Variants in NCOA3 observed in about 807,000 individuals in gnomAD.
NCOA3 encodes the protein nuclear receptor coactivator 3, also known as CBP-interacting protein.
NCOA3 carries 51 observed loss-of-function variants against 158.8 expected under a neutral mutation model. The ratio of observed to expected loss-of-function variants is 0.32; its 90% CI spans 0.26 to 0.41. The LOEUF (loss-of-function observed/expected upper bound fraction) is 0.41. Among genes scored for constraint, NCOA3 ranks in the 10% least tolerant of loss-of-function variants. NCOA3 has a pLI of 1.00. For missense variants in NCOA3, 1,510 were observed against 1,746.6 expected, an observed-to-expected ratio of 0.86 and a Z score of 2.41; for synonymous variants, 537 against 592.4, an observed-to-expected ratio of 0.91 and a Z score of 1.36.
intron 17 of NCOA3, 86 bp from the exon 18 acceptor site, chr20:47,646,987 G>A (rs2086695299): frequency 8.3e-7 from 1 of 1,208,806 alleles, no homozygotes; most frequent in Non-Finnish European, 1.2e-6. Context: ...TGAATGACTG[G>A]ATGTTTTTTG....
intron 8 of NCOA3, among the ~76,000 whole-genome samples, chr20:47,628,984 T>TA (rs1202967427): frequency 6.6e-6 from 1 of 152,174 alleles, no homozygotes. Flanking sequence ...TCATGGCTAA[T>TA]AAGAAAATTT....
chr20:47,637,203 G>C (rs6018609), intron 12 of NCOA3, among the ~76,000 whole-genome samples: 1 of 152,206 alleles, frequency 6.6e-6, no homozygotes, highest in Non-Finnish European at 1.5e-5. Context: ...CTTAAAGTTA[G>C]GATGTGGGCT....
intron 1 of NCOA3, among the ~76,000 whole-genome samples, chr20:47,549,561 A>C (rs77228812): frequency 8.8e-6 from 1 of 114,088 alleles, no homozygotes; most frequent in Non-Finnish European, 1.7e-5. Context: ...ACTCTGTCTC[A>C]AAAAAAAAAA....
chr20:47,614,278 A>G (rs530422417), intron 2 of NCOA3, among the ~76,000 whole-genome samples: 5 of 152,216 alleles, frequency 3.3e-5, no homozygotes, highest in South Asian at 4.1e-4. Flanking sequence ...TGTGTTAACT[A>G]GTAGTGGTTA....
chr20:47,623,684 A>C lies in NCOA3; in HGVS notation c.84-227A>C, dbSNP rs375264371. Among the ~76,000 whole-genome samples, 16 of 152,142 alleles carry C rather than the reference A, an allele frequency of 1.1e-4. No individual in the cohort carries two copies. The East Asian group carries it at 1.7e-3, about 17-fold the overall frequency. On this transcript the variant is annotated intron_variant, in intron 3 of 22. Coordinates refer to ENST00000371998, the MANE Select transcript of NCOA3 (RefSeq NM_181659.3). ...ATGCCTGTAATCCCAGCTACTGGGG[A>C]GGCTGAGTCAGGAGAATTGCCTGAA...
At chr20:47,644,438 C>T (rs1301457815) in intron 17 of NCOA3, among the ~76,000 whole-genome samples, 6 of 152,136 alleles carry the variant, frequency 3.9e-5, no homozygotes, top group Admixed American at 6.5e-5. Context: ...CGTGAGCCAC[C>T]GCGCCTGGCC....
At chr20:47,588,180 G>A (rs188836283) in intron 2 of NCOA3, among the ~76,000 whole-genome samples, 3 of 122,372 alleles carry the variant, frequency 2.5e-5, no homozygotes, top group Admixed American at 2.0e-4. Flanking sequence ...GGTTGCTCAG[G>A]CTGGAGTGCA....
At chr20:47,561,790 T>A (rs2085110760) in intron 1 of NCOA3, among the ~76,000 whole-genome samples, 1 of 152,172 alleles carries the variant, frequency 6.6e-6, no homozygotes, top group African/African-American at 2.4e-5. Context: ...AGTTCATAGC[T>A]TACATTAGGG....
chr20:47,638,932 G>A (rs2086560774), intron 13 of NCOA3, 76 bp from the exon 14 acceptor site: 4 of 1,130,214 alleles, frequency 3.5e-6, no homozygotes, highest in South Asian at 2.0e-5. Flanking sequence ...GTGGGGAGTG[G>A]TGGTATTTGT....
In NCOA3 at chr20:47,504,399, T is replaced by A. The variant is rs189958182; in HGVS notation, c.-99+2380T>A. ...AAAAAGTAGTTTAAAAATGGTTGCT[T>A]ACTAATGTCTTCTTGACTGGTCTTT... On this transcript the variant is annotated intron_variant, in intron 1 of 22. Coordinates refer to ENST00000371998, the MANE Select transcript of NCOA3 (RefSeq NM_181659.3). Among the ~76,000 whole-genome samples the A allele has an allele frequency of 3.7e-3, 566 of 152,122 alleles. 6 individuals carry two copies. Among genetic ancestry groups the A allele is most frequent in the African/African-American group, 0.013 (536 of 41,516 alleles).
At chr20:47,544,049 C>G (rs1427490036) in intron 1 of NCOA3, among the ~76,000 whole-genome samples, 1 of 152,074 alleles carries the variant, frequency 6.6e-6, no homozygotes, top group African/African-American at 2.4e-5. Flanking sequence ...GTACTCCACC[C>G]CGATTCCCCC....
At chr20:47,540,070 A>G (rs924779242) in intron 1 of NCOA3, among the ~76,000 whole-genome samples, 1 of 152,192 alleles carries the variant, frequency 6.6e-6, no homozygotes, top group African/African-American at 2.4e-5. Context: ...TAAGCTCTCC[A>G]GTAGAGGATC....
intron 2 of NCOA3, among the ~76,000 whole-genome samples, chr20:47,604,361 T>G (rs2085910610): frequency 6.6e-6 from 1 of 152,228 alleles, no homozygotes; most frequent in African/African-American, 2.4e-5. Context: ...TTCACTATGC[T>G]TCATTTAAGT....
chr20:47,510,390 GCCACTGCACT>G (rs2084099713), intron 1 of NCOA3, among the ~76,000 whole-genome samples: 1 of 124,364 alleles, frequency 8.0e-6, no homozygotes, highest in South Asian at 2.7e-4. Context: ...CTGAGATCGC[GCCACTGCACT>G]CCAGCCTGGG....
chr20:47,617,079 CTGAGTAGCTGGGACTACATGTGCA>C (rs1241716744), intron 2 of NCOA3, among the ~76,000 whole-genome samples: 1 of 152,128 alleles, frequency 6.6e-6, no homozygotes, highest in Non-Finnish European at 1.5e-5. Context: ...CCTCAGCTTC[CTGAGTAGCTGGGACTACATGTGCA>C]TGCCACCATG....
In NCOA3 at chr20:47,520,061, CAAAAAAAAAAAA is replaced by C. The variant is rs35406814; in HGVS notation, c.-99+18060_-99+18071del. ...ACAGGTGTGAGCAACTGTGCCTGGC[CAAAAAAAAAAAA>C]AAAAAAAAAAAAAAAAAGGAAGGCT... is the stretch of plus-strand genomic sequence containing the variant. On this transcript the variant is annotated intron_variant, in intron 1 of 22. Transcript: ENST00000371998. Among the ~76,000 whole-genome samples the C allele has an allele frequency of 2.0e-3, 66 of 32,906 alleles. 2 individuals carry two copies. Among genetic ancestry groups the C allele is most frequent in the South Asian group, 0.014 (9 of 636 alleles). The allele number at this position is 32,906 out of a possible 152,430, so 21.6% of individuals were successfully genotyped here.
chr20:47,530,510 T>A (rs2084527819), intron 1 of NCOA3, among the ~76,000 whole-genome samples: 2 of 149,646 alleles, frequency 1.3e-5, no homozygotes, highest in African/African-American at 4.9e-5. Flanking sequence ...TCACCCAGGC[T>A]GTAGGGCCGT....
At chr20:47,507,144 A>G (rs1285270175) in intron 1 of NCOA3, among the ~76,000 whole-genome samples, 2 of 152,188 alleles carry the variant, frequency 1.3e-5, no homozygotes, top group East Asian at 3.8e-4. Flanking sequence ...TGGTTAATTG[A>G]ATGTTGAGTG....
intron 1 of NCOA3, among the ~76,000 whole-genome samples, chr20:47,536,219 C>A (rs1209906373): frequency 6.6e-6 from 1 of 152,224 alleles, no homozygotes; most frequent in Non-Finnish European, 1.5e-5. Context: ...CTACCCAGCA[C>A]TTACTTCCCT....
Sources: allele counts gnomAD v4.1 joint callset (sites outside exome capture counted in the v4.1 genomes callset), GRCh38; gene constraint gnomAD v4.1.1; transcripts MANE v1.5; gene names NCBI Gene and HGNC (gene_info 2026-07-23, HGNC 2026-07-21).